GRID1: variants seen among roughly 807,000 people sequenced by gnomAD.
GRID1 encodes the protein glutamate receptor ionotropic, delta-1.
In GRID1, 28 loss-of-function variants were observed where a neutral mutation model predicts 98.0. The observed-to-expected ratio is 0.29, with a 90% CI of 0.21 to 0.39. The LOEUF (loss-of-function observed/expected upper bound fraction) is 0.39, where lower values mean the gene tolerates loss of function less well. GRID1 is among the 10% of genes least tolerant of loss of function. The probability of loss-of-function intolerance (pLI) is 1.00; values close to 1 mark genes in which losing one functional copy is unlikely to be tolerated. For missense variants in GRID1, 1,111 were observed against 1,340.5 expected (o/e 0.83, Z 2.67); for synonymous variants, 553 against 538.5 (o/e 1.03, Z -0.37).
chr10:85,673,200 C>T lies in GRID1; in HGVS notation c.1998-25803G>A, dbSNP rs79840278. Among the ~76,000 whole-genome samples the T allele has an allele frequency of 1.2e-4, 19 of 152,226 alleles. No homozygotes were observed. In the East Asian group the frequency reaches 2.9e-3, roughly 23 times the overall value. On this transcript the variant is annotated intron_variant, in intron 12 of 15. Transcript: ENST00000327946. ...GACTGAATTGCTGCAATGTCATGAT[C>T]GAACTTAAATGGGTGAACATTTGTT...
intron 8 of GRID1, among the ~76,000 whole-genome samples, chr10:85,742,990 T>C (rs974751794): frequency 6.6e-6 from 1 of 151,866 alleles, no homozygotes; most frequent in African/African-American, 2.4e-5. Context: ...ATCCTTGACC[T>C]CTGCCAACTA....
chr10:86,110,190 T>C lies in GRID1; in HGVS notation c.726+28629A>G, dbSNP rs980655010. Reference sequence around the variant, plus strand: ...GGTTTCACCATATTGGTCAGGCTGATCTCGAAATCCTGACCTCAGGTGATC... The same window carrying C: ...GGTTTCACCATATTGGTCAGGCTGACCTCGAAATCCTGACCTCAGGTGATC... On this transcript the variant is annotated intron_variant, in intron 4 of 15. Transcript: ENST00000327946. 2.0e-5 allele frequency among the ~76,000 whole-genome samples: 3 copies of C among 152,236 alleles called. No homozygotes were observed. The East Asian group carries it at 5.8e-4, about 30-fold the overall frequency.
chr10:86,161,250 C>T (rs188953766), intron 3 of GRID1, among the ~76,000 whole-genome samples: 24 of 152,218 alleles, frequency 1.6e-4, no homozygotes, highest in African/African-American at 5.1e-4. Context: ...GAGGGAAATC[C>T]GGGGCCTGAC....
chr10:86,254,875 G>A (rs1304075267), intron 2 of GRID1, among the ~76,000 whole-genome samples: 1 of 152,228 alleles, frequency 6.6e-6, no homozygotes, highest in Non-Finnish European at 1.5e-5. Flanking sequence ...CCCCAAGCAG[G>A]CTGGCCTTGC....
intron 4 of GRID1, among the ~76,000 whole-genome samples, chr10:86,085,323 G>A (rs1447863289): frequency 1.3e-5 from 2 of 152,192 alleles, no homozygotes; most frequent in African/African-American, 2.4e-5. Context: ...CTGCCATTCC[G>A]TGGACCTCCA....
At chr10:86,323,632 CGGCCGG>C (rs1410588798) in intron 2 of GRID1, among the ~76,000 whole-genome samples, 1 of 152,164 alleles carries the variant, frequency 6.6e-6, no homozygotes, top group African/African-American at 2.4e-5. Context: ...TGGCTGCCAG[CGGCCGG>C]GGGAGTGGAA....
intron 8 of GRID1, among the ~76,000 whole-genome samples, chr10:85,833,869 T>A (rs1842890871): frequency 6.6e-6 from 1 of 152,106 alleles, no homozygotes; most frequent in African/African-American, 2.4e-5. Flanking sequence ...TCATAGTGTT[T>A]AGATAATAGA....
chr10:85,810,590 G>T (rs968060971), intron 8 of GRID1, among the ~76,000 whole-genome samples: 1 of 152,164 alleles, frequency 6.6e-6, no homozygotes, highest in Non-Finnish European at 1.5e-5. Flanking sequence ...ATTCCAGGCA[G>T]ACCTGGCCTT....
At chr10:86,133,336 G>A (rs1000018371) in intron 4 of GRID1, among the ~76,000 whole-genome samples, 15 of 152,306 alleles carry the variant, frequency 9.8e-5, no homozygotes, top group Admixed American at 5.9e-4. Flanking sequence ...GTGTGTGTGT[G>A]TGTGCACAAA....
intron 5 of GRID1, among the ~76,000 whole-genome samples, chr10:85,889,933 A>T (rs1255337391): frequency 3.9e-5 from 6 of 152,112 alleles, no homozygotes; most frequent in Admixed American, 2.6e-4. Context: ...CACATAATGC[A>T]CATATTCGGG....
At chr10:86,295,881 C>T (rs945487295) in intron 2 of GRID1, among the ~76,000 whole-genome samples, 3 of 152,232 alleles carry the variant, frequency 2.0e-5, no homozygotes, top group African/African-American at 7.2e-5. Flanking sequence ...CTAGAAAGCA[C>T]CTGCTCACCT....
intron 4 of GRID1, among the ~76,000 whole-genome samples, chr10:86,103,498 C>T (rs952779765): frequency 1.3e-5 from 2 of 152,222 alleles, no homozygotes; most frequent in Non-Finnish European, 2.9e-5. Flanking sequence ...CACCCCCAGG[C>T]CACAGGCCTA....
At chr10:86,161,205 G>A (rs1564693415) in intron 3 of GRID1, among the ~76,000 whole-genome samples, 1 of 152,206 alleles carries the variant, frequency 6.6e-6, no homozygotes, top group East Asian at 1.9e-4. Flanking sequence ...ATAAGAGACA[G>A]CATGAGAAAA....
chr10:85,726,283 G>T (rs1435359739), intron 10 of GRID1, among the ~76,000 whole-genome samples: 1 of 151,822 alleles, frequency 6.6e-6, no homozygotes, highest in African/African-American at 2.4e-5. Flanking sequence ...GGTAGCTCAA[G>T]AAGAAAGGTA....
chr10:86,143,640 C>T (rs1845041701), intron 3 of GRID1, among the ~76,000 whole-genome samples: 1 of 152,188 alleles, frequency 6.6e-6, no homozygotes. Context: ...CCTCCACCTG[C>T]CCCTGGGGAA....
At chr10:85,896,836 AAGGAG>A (rs1427990144) in intron 5 of GRID1, among the ~76,000 whole-genome samples, 1 of 152,234 alleles carries the variant, frequency 6.6e-6, no homozygotes, top group Non-Finnish European at 1.5e-5. Flanking sequence ...TTATCATCAG[AAGGAG>A]ACATCAAGAG....
chr10:86,352,078 G>T (rs532157495), intron 2 of GRID1, among the ~76,000 whole-genome samples: 5 of 152,166 alleles, frequency 3.3e-5, no homozygotes, highest in Admixed American at 3.3e-4. Context: ...CGAGGCGAGC[G>T]GATCACAAGG....
At chr10:86,001,826 T>C (rs1842805737) in intron 4 of GRID1, among the ~76,000 whole-genome samples, 1 of 152,018 alleles carries the variant, frequency 6.6e-6, no homozygotes. Flanking sequence ...AGAAACATGT[T>C]CTCCCACAGT....
intron 5 of GRID1, among the ~76,000 whole-genome samples, chr10:85,890,415 T>A (rs1278968147): frequency 6.6e-6 from 1 of 152,146 alleles, no homozygotes; most frequent in Admixed American, 6.6e-5. Flanking sequence ...CCCATAAATA[T>A]GTACAATTAT....
Sources: gnomAD v4.1 joint callset for allele counts (sites outside exome capture counted in the v4.1 genomes callset) on GRCh38, gnomAD v4.1.1 for gene constraint, MANE v1.5 for transcripts, NCBI Gene and HGNC (gene_info 2026-07-23, HGNC 2026-07-21) for gene names.